Variants in GALNT14 observed in about 807,000 individuals in gnomAD.
GALNT14 encodes the protein polypeptide N-acetylgalactosaminyltransferase 14.
A neutral mutation model predicts 77.5 loss-of-function variants in GALNT14; 60 were observed. The observed-to-expected ratio is 0.77, with a 90% CI of 0.63 to 0.96. GALNT14 has a LOEUF of 0.96. GALNT14 is among the 40% of genes least tolerant of loss of function. The probability of loss-of-function intolerance (pLI) is 0.00; values close to 1 mark genes in which losing one functional copy is unlikely to be tolerated. For missense variants in GALNT14, 710 were observed against 731.0 expected (o/e 0.97, Z 0.33); for synonymous variants, 280 against 281.7 (o/e 0.99, Z 0.06).
chr2:30,961,616 C>T (rs6725294), intron 3 of GALNT14, among the ~76,000 whole-genome samples: 47,093 of 151,888 alleles, frequency 0.31, 9,478 homozygotes, highest in East Asian at 0.59. Flanking sequence ...GCAGCATCAC[C>T]GTCACCTAGA....
Position 31,137,951 on chromosome 2 carries a change from C to T in GALNT14, c.129+7G>A. The T allele has an allele frequency of 6.2e-7, 1 of 1,608,850 alleles. No homozygotes were observed. Among genetic ancestry groups the T allele is most frequent in the Non-Finnish European group, 8.5e-7 (1 of 1,177,530 alleles). ...GCTCAGCGCCAGCGCGCCGGCAAGC[C>T]GCCTACCTTAGGGGTCTGCACTTCA... On this transcript the variant is annotated splice_region_variant and intron_variant, in intron 1 of 14. Coordinates refer to ENST00000349752, the MANE Select transcript of GALNT14 (RefSeq NM_024572.4).
intron 1 of GALNT14, among the ~76,000 whole-genome samples, chr2:31,137,591 G>A (rs2148657429): frequency 6.6e-6 from 1 of 152,088 alleles, no homozygotes; most frequent in South Asian, 2.1e-4. Context: ...CCGGGCGCTG[G>A]CCCGACCCGA....
At chr2:30,983,182 G>A (rs1481969140) in intron 2 of GALNT14, among the ~76,000 whole-genome samples, 1 of 152,148 alleles carries the variant, frequency 6.6e-6, no homozygotes, top group African/African-American at 2.4e-5. Context: ...TGCCTCCTGT[G>A]GAAAGTGATC....
At chr2:31,059,960 A>C (rs951980791) in intron 1 of GALNT14, among the ~76,000 whole-genome samples, 2 of 151,746 alleles carry the variant, frequency 1.3e-5, no homozygotes, top group Non-Finnish European at 2.9e-5. Flanking sequence ...TATTTCCCCT[A>C]CTCTTTCAAT....
Position 30,966,224 on chromosome 2 carries a change from C to A in GALNT14, c.378G>T (p.Thr126=), listed in dbSNP as rs200313372. 6.2e-7 allele frequency: 1 copy of A among 1,613,804 alleles called. No homozygotes were observed. The highest frequency in any genetic ancestry group is 1.3e-5 in the African/African-American group (1 of 74,904). The change falls in exon 3 of 15, where the codon ACG becomes ACT. Residue 126 remains threonine (T), a synonymous_variant. Transcript: ENST00000349752. Reference sequence around the variant, plus strand: ...CTCACCTGCGGATGGTCCTGAGCAGCGTGGAGCGGGCCTCGTTGTGGAAGG... The same window carrying A: ...CTCACCTGCGGATGGTCCTGAGCAGAGTGGAGCGGGCCTCGTTGTGGAAGG... ...IITFHNEARS[T]LLRTIRSVLN... is the part of the protein sequence containing the mutation.
rs1665788692 is a variant in GALNT14, at chr2:30,932,327, C to T, written c.932-133G>A. ...CTCTGCAGCCAGTCTGTAGGCTCCACTGGCTGAGAGACCTCAGTTTCCCCA... is the reference window on the plus strand; with the variant it reads ...CTCTGCAGCCAGTCTGTAGGCTCCATTGGCTGAGAGACCTCAGTTTCCCCA... On this transcript the variant is annotated intron_variant, in intron 9 of 14. Coordinates refer to ENST00000349752, the MANE Select transcript of GALNT14 (RefSeq NM_024572.4). 4.9e-6 allele frequency: 4 copies of T among 822,012 alleles called. No individual in the cohort carries two copies. In the South Asian group the frequency reaches 1.3e-4, roughly 27 times the overall value. 50.9% of individuals were successfully genotyped at this position (822,012 alleles called of 1,614,324 possible).
chr2:30,910,370 G>C (rs1664284251), downstream of GALNT14: 1 of 152,354 alleles, frequency 6.6e-6, no homozygotes, highest in Admixed American at 6.5e-5. Flanking sequence ...TGTCTTCTTT[G>C]TCCACTCTGC....
intron 13 of GALNT14, among the ~76,000 whole-genome samples, chr2:30,913,879 A>T (rs1389381077): frequency 6.6e-6 from 1 of 152,212 alleles, no homozygotes; most frequent in Non-Finnish European, 1.5e-5. Context: ...CGACTTCTGT[A>T]TCTATAGATA....
chr2:31,114,345 G>T (rs1309108771), intron 1 of GALNT14, among the ~76,000 whole-genome samples: 1 of 150,552 alleles, frequency 6.6e-6, no homozygotes, highest in Non-Finnish European at 1.5e-5. Context: ...CACTTAGAAG[G>T]AGAAGCTGTT....
At chr2:30,895,839 G>T in the GALNT14 span, among the ~76,000 whole-genome samples, 1 of 151,944 alleles carries the variant, frequency 6.6e-6, no homozygotes, top group African/African-American at 2.4e-5. Context: ...TGTCCCTGAA[G>T]GCAAGGACTG....
At chr2:31,100,787 T>A (rs1467239760) in intron 1 of GALNT14, among the ~76,000 whole-genome samples, 1 of 151,938 alleles carries the variant, frequency 6.6e-6, no homozygotes, top group Non-Finnish European at 1.5e-5. Context: ...GTTGAAAATA[T>A]CATAAGCCAA....
At chr2:30,901,003 A>G in the GALNT14 span, among the ~76,000 whole-genome samples, 3 of 152,204 alleles carry the variant, frequency 2.0e-5, no homozygotes, top group African/African-American at 7.2e-5. Flanking sequence ...GGGGAAGACC[A>G]AAATCCAAGC....
intron 3 of GALNT14, among the ~76,000 whole-genome samples, chr2:30,964,033 T>G (rs1455483728): frequency 6.6e-6 from 1 of 152,120 alleles, no homozygotes; most frequent in Non-Finnish European, 1.5e-5. Flanking sequence ...AGTAGTGATA[T>G]GTAGAGAAGG....
chr2:30,924,076 C>G, intron 13 of GALNT14, 43 bp downstream of exon 13: 1 of 1,612,666 alleles, frequency 6.2e-7, no homozygotes, highest in Non-Finnish European at 8.5e-7. Context: ...CTGCCTCCCT[C>G]TACTGTGACA....
intron 12 of GALNT14, 29 bp downstream of exon 12, chr2:30,924,711 G>A: frequency 6.3e-7 from 1 of 1,597,694 alleles, no homozygotes; most frequent in South Asian, 1.1e-5. Flanking sequence ...CTTTCAGCCA[G>A]CCAAAGCTCC....
At chr2:31,018,127 C>G (rs556023297) in intron 1 of GALNT14, among the ~76,000 whole-genome samples, 1 of 152,186 alleles carries the variant, frequency 6.6e-6, no homozygotes, top group East Asian at 1.9e-4. Flanking sequence ...CCTTGGAGAG[C>G]AAGTAGCAAG....
At chr2:31,135,221 T>C (rs1679172107) in intron 1 of GALNT14, among the ~76,000 whole-genome samples, 2 of 152,174 alleles carry the variant, frequency 1.3e-5, no homozygotes. Context: ...GTAAAAACAG[T>C]AATTCTAGAA....
the GALNT14 span, among the ~76,000 whole-genome samples, chr2:30,899,508 T>A: frequency 6.6e-6 from 1 of 151,976 alleles, no homozygotes; most frequent in Non-Finnish European, 1.5e-5. Context: ...TAATATTTAC[T>A]GGCTCAAATG....
chr2:31,090,481 CTTTTTTTT>C (rs70962302), intron 1 of GALNT14, among the ~76,000 whole-genome samples: 2 of 93,244 alleles, frequency 2.1e-5, no homozygotes, highest in African/African-American at 8.9e-5. Context: ...GTCCCTTCAT[CTTTTTTTT>C]TTTTTTTTTT....
Sources: allele counts gnomAD v4.1 joint callset (sites outside exome capture counted in the v4.1 genomes callset), GRCh38; gene constraint gnomAD v4.1.1; transcripts MANE v1.5; gene names NCBI Gene and HGNC (gene_info 2026-07-23, HGNC 2026-07-21).